Variants in SLC8A1 observed in about 807,000 individuals in gnomAD.
SLC8A1 encodes the protein solute carrier family 8 member A1, also known as sodium/calcium exchanger 1.
SLC8A1 carries 18 observed loss-of-function variants against 68.3 expected under a neutral mutation model. The observed-to-expected ratio is 0.26, with a 90% CI of 0.18 to 0.39. The LOEUF (loss-of-function observed/expected upper bound fraction) is 0.39, where lower values mean the gene tolerates loss of function less well. Ranked by LOEUF, SLC8A1 falls within the 10% of genes least tolerant of loss-of-function variation. The pLI is 1.00. For synonymous variants in SLC8A1, 475 were observed against 415.5 expected (o/e 1.14, Z -1.74); for missense variants, 985 against 1,156.7 (o/e 0.85, Z 2.15).
exon 2 of SLC8A1, chr2:40,429,468 C>A: frequency 1.9e-6 from 3 of 1,613,926 alleles, no homozygotes; most frequent in Non-Finnish European, 2.5e-6. Flanking sequence ...TCATCCCCCT[C>A]TGCTTGCCAG....
intron 2 of SLC8A1, among the ~76,000 whole-genome samples, chr2:40,318,489 AC>A (rs2074766759): frequency 1.8e-5 from 2 of 113,326 alleles, no homozygotes; most frequent in Admixed American, 1.7e-4. Context: ...TATCTATTTT[AC>A]AGAAAAGAAA....
At chr2:40,107,141 C>CCTCCTA (rs1380644859) in exon 8 of SLC8A1, 1 of 151,902 alleles carries the variant, frequency 6.6e-6, no homozygotes, top group Non-Finnish European at 1.5e-5. Context: ...ACTGGGTGGG[C>CCTCCTA]CTCCTACTCC....
At chr2:40,112,515 CTG>C (rs555328589) in exon 8 of SLC8A1, 22 of 152,632 alleles carry the variant, frequency 1.4e-4, no homozygotes, top group Non-Finnish European at 3.1e-4. Flanking sequence ...TTAAAGTTCT[CTG>C]TGAAAATTTG....
intron 2 of SLC8A1, among the ~76,000 whole-genome samples, chr2:40,224,125 T>C (rs1160853795): frequency 1.3e-5 from 2 of 152,132 alleles, no homozygotes; most frequent in African/African-American, 2.4e-5. Flanking sequence ...GGCAGTGAAA[T>C]GATAGCTAAT....
chr2:40,183,875 G>T (rs950091842), intron 2 of SLC8A1, among the ~76,000 whole-genome samples: 6 of 152,112 alleles, frequency 3.9e-5, no homozygotes, highest in African/African-American at 1.4e-4. Flanking sequence ...AAAGTTTCTG[G>T]ATAAGTGCAG....
At chr2:40,220,292 G>A (rs960265232) in intron 2 of SLC8A1, 5 of 152,120 alleles carry the variant, frequency 3.3e-5, no homozygotes, top group African/African-American at 1.2e-4. Context: ...GGCTTCCATG[G>A]GAGTGCCAAC....
At chr2:40,414,496 C>G (rs1478428305) in intron 2 of SLC8A1, among the ~76,000 whole-genome samples, 1 of 152,114 alleles carries the variant, frequency 6.6e-6, no homozygotes, top group African/African-American at 2.4e-5. Context: ...TTAATGTTTT[C>G]AAGCTTAATT....
chr2:40,134,658 A>T (rs1277642447), intron 7 of SLC8A1, among the ~76,000 whole-genome samples: 1 of 152,156 alleles, frequency 6.6e-6, no homozygotes, highest in African/African-American at 2.4e-5. Flanking sequence ...TCCCTCAATA[A>T]TTTCAATTCT....
chr2:40,126,870 C>G (rs2038224722), intron 7 of SLC8A1, among the ~76,000 whole-genome samples: 2 of 152,130 alleles, frequency 1.3e-5, no homozygotes. Context: ...TCTTGTTTAT[C>G]CCCCACCTCC....
At chr2:40,270,625 T>G (rs2065909133) in intron 2 of SLC8A1, among the ~76,000 whole-genome samples, 1 of 152,218 alleles carries the variant, frequency 6.6e-6, no homozygotes, top group African/African-American at 2.4e-5. Context: ...AGGACCCATG[T>G]GATTAGATTG....
chr2:40,217,881 G>A lies in SLC8A1; in HGVS notation c.1809-40026C>T, dbSNP rs188227684. 3.5e-3 allele frequency among the ~76,000 whole-genome samples: 537 copies of A among 152,234 alleles called. 15 individuals carry two copies. Among genetic ancestry groups the A allele is most frequent in the Non-Finnish European group, 9.6e-4 (65 of 68,024 alleles). ...GTTAGAAAGTGAAAAATATTGTTAA[G>A]TAACCATATACTTCTCTTAGATTTG... On this transcript the variant is annotated intron_variant, in intron 2 of 7. Coordinates refer to ENST00000406785, the Ensembl canonical transcript of SLC8A1.
intron 2 of SLC8A1, among the ~76,000 whole-genome samples, chr2:40,318,332 C>T (rs2074744610): frequency 6.6e-6 from 1 of 151,990 alleles, no homozygotes; most frequent in Non-Finnish European, 1.5e-5. Flanking sequence ...TTAAAAACCT[C>T]ATTCCAGGAT....
At chr2:40,343,310 C>T (rs1668282119) in intron 2 of SLC8A1, among the ~76,000 whole-genome samples, 1 of 152,240 alleles carries the variant, frequency 6.6e-6, no homozygotes, top group East Asian at 1.9e-4. Context: ...CACCTATAAA[C>T]ATGTCTATGA....
At chr2:40,156,111 C>G (rs1363727624) in intron 6 of SLC8A1, among the ~76,000 whole-genome samples, 1 of 152,164 alleles carries the variant, frequency 6.6e-6, no homozygotes, top group East Asian at 1.9e-4. Context: ...TTTAGGCAAG[C>G]CAGAGGATGG....
At chr2:40,194,296 A>G (rs1004391159) in intron 2 of SLC8A1, among the ~76,000 whole-genome samples, 2 of 152,156 alleles carry the variant, frequency 1.3e-5, no homozygotes, top group Non-Finnish European at 2.9e-5. Context: ...ATTTACATGG[A>G]AAATTGCTAT....
At chr2:40,328,151 C>G (rs917220968) in intron 2 of SLC8A1, among the ~76,000 whole-genome samples, 2 of 152,090 alleles carry the variant, frequency 1.3e-5, no homozygotes, top group African/African-American at 4.8e-5. Flanking sequence ...GAGGTAGAAA[C>G]TATTCAGGTC....
chr2:40,420,409 G>T (rs1036729869), intron 2 of SLC8A1, among the ~76,000 whole-genome samples: 2 of 149,722 alleles, frequency 1.3e-5, no homozygotes, highest in Non-Finnish European at 3.0e-5. Context: ...ACGAAGAAAA[G>T]CTGCATTCAT....
At position 40,174,817 on chromosome 2, in the gene SLC8A1, A is replaced by G; in HGVS notation, c.1930+8T>C. 1.9e-6 allele frequency: 3 copies of G among 1,609,674 alleles called. 1 individual carries two copies. Among genetic ancestry groups the G allele is most frequent in the South Asian group, 1.1e-5 (1 of 90,900 alleles). On this transcript the variant is annotated splice_region_variant and intron_variant, in intron 4 of 7. Transcript: ENST00000406785. The stretch of plus-strand genomic sequence containing the variant: ...AGTTAGATAGCATTAGACTTGAAAA[A>G]TTCATACCTGTTATTGTGAAGCCAC...
At chr2:40,237,928 G>A (rs7575446) in intron 2 of SLC8A1, among the ~76,000 whole-genome samples, 96,661 of 150,770 alleles carry the variant, frequency 0.64, 31,475 homozygotes, top group Middle Eastern at 0.78. Flanking sequence ...GGGGTCAGGG[G>A]TCAGGGACCC....
Sources: allele counts gnomAD v4.1 joint callset (sites outside exome capture counted in the v4.1 genomes callset), GRCh38; gene constraint gnomAD v4.1.1; transcripts MANE v1.5; gene names NCBI Gene and HGNC (gene_info 2026-07-23, HGNC 2026-07-21).